The following ABCC2 variants were observed in gnomAD, a reference collection of about 807,000 sequenced individuals.
ABCC2 encodes the protein ATP-binding cassette sub-family C member 2.
A neutral mutation model predicts 173.4 loss-of-function variants in ABCC2; 157 were observed. That is an observed-to-expected ratio of 0.91 (90% CI 0.80 to 1.03). The LOEUF (loss-of-function observed/expected upper bound fraction) is 1.03, where lower values mean the gene tolerates loss of function less well. ABCC2 is among the 50% of genes least tolerant of loss of function. The probability of loss-of-function intolerance (pLI) is 0.00; values close to 1 mark genes in which losing one functional copy is unlikely to be tolerated. For synonymous variants in ABCC2, 657 were observed against 693.5 expected, an observed-to-expected ratio of 0.95 and a Z score of 0.83; for missense variants, 1,822 against 1,852.3, an observed-to-expected ratio of 0.98 and a Z score of 0.30.
chr10:99,803,055 G>A (rs1164464048), intron 9 of ABCC2, among the ~76,000 whole-genome samples: 1 of 152,086 alleles, frequency 6.6e-6, no homozygotes, highest in African/African-American at 2.4e-5. Context: ...TGCAACCTCC[G>A]CCTTCCAGGT....
intron 16 of ABCC2, among the ~76,000 whole-genome samples, chr10:99,816,102 G>A (rs1305902289): frequency 6.6e-6 from 1 of 151,600 alleles, no homozygotes; most frequent in Non-Finnish European, 1.5e-5. Flanking sequence ...CAAGTAGCTG[G>A]GATTACAGGC....
rs1225027778 is a variant in ABCC2 at position 99,808,248 on chromosome 10, T to A, written c.1815+19T>A. 6 of 1,613,662 alleles carry A rather than the reference T, an allele frequency of 3.7e-6. No homozygotes were observed. The highest frequency in any genetic ancestry group is 1.7e-6 in the Non-Finnish European group (2 of 1,179,884). ...GCTCCAGGTAGGTCGGCATTCTCACTGCTAACTCCCTGTCTCTGGTTAAAA... is the reference window on the plus strand; with the variant it reads ...GCTCCAGGTAGGTCGGCATTCTCACAGCTAACTCCCTGTCTCTGGTTAAAA... On this transcript the variant is annotated intron_variant, in intron 13 of 31. Coordinates refer to ENST00000647814, the MANE Select transcript of ABCC2 (RefSeq NM_000392.5).
At chr10:99,813,221 A>C in intron 16 of ABCC2, 77 bp downstream of exon 16, 1 of 1,548,608 alleles carries the variant, frequency 6.5e-7, no homozygotes, top group Non-Finnish European at 8.8e-7. Flanking sequence ...ACTGGGGAGA[A>C]GGCACTGAGG....
chr10:99,851,404 G>A lies in ABCC2; in HGVS notation c.4509-98G>A, dbSNP rs371472954. 234 of 1,427,336 alleles carry A rather than the reference G, an allele frequency of 1.6e-4. No homozygotes were observed. The African/African-American group carries it at 3.0e-3, about 18-fold the overall frequency. 88.4% of individuals were successfully genotyped at this position (1,427,336 alleles called of 1,614,324 possible). A position where few individuals can be genotyped will look rare whatever the true frequency, so the allele number is the denominator to read the frequency against. ...TTGATTTTCACTGCTTTGTAGCCTTGTCTGACTATACCACAACTTAGTCCT... is the reference window on the plus strand; with the variant it reads ...TTGATTTTCACTGCTTTGTAGCCTTATCTGACTATACCACAACTTAGTCCT... On this transcript the variant is annotated intron_variant, in intron 31 of 31. Coordinates refer to ENST00000647814, the MANE Select transcript of ABCC2 (RefSeq NM_000392.5).
intron 11 of ABCC2, among the ~76,000 whole-genome samples, chr10:99,806,223 T>A (rs1355977834): frequency 1.3e-5 from 2 of 151,894 alleles, no homozygotes; most frequent in African/African-American, 4.8e-5. Context: ...GGGGCGGGAG[T>A]ACAAGGTTGC....
At chr10:99,817,197 G>A (rs927213686) in intron 16 of ABCC2, 111 bp from the exon 17 acceptor site, 13 of 938,890 alleles carry the variant, frequency 1.4e-5, no homozygotes, top group Non-Finnish European at 2.0e-5. Context: ...CTGATGCACA[G>A]TTATTTAAAT....
At chr10:99,800,604 C>T in intron 9 of ABCC2, 41 bp downstream of exon 9, 1 of 1,603,664 alleles carries the variant, frequency 6.2e-7, no homozygotes, top group South Asian at 1.1e-5. Context: ...AAAATCCCCT[C>T]AGTAAATATG....
chr10:99,792,145 C>G (rs2756108), intron 2 of ABCC2, 89 bp from the exon 3 acceptor site: 2 of 1,539,478 alleles, frequency 1.3e-6, no homozygotes, highest in African/African-American at 2.7e-5. Context: ...CTGCATACCG[C>G]TTTTCCTATC....
chr10:99,807,563 C>T (rs2038134700), intron 12 of ABCC2, 42 bp downstream of exon 12: 1 of 1,613,234 alleles, frequency 6.2e-7, no homozygotes, highest in South Asian at 1.1e-5. Flanking sequence ...TTCACCTGGA[C>T]CTGCATCAGC....
At chr10:99,825,521 C>A (rs1173283399) in intron 19 of ABCC2, among the ~76,000 whole-genome samples, 1 of 152,282 alleles carries the variant, frequency 6.6e-6, no homozygotes, top group African/African-American at 2.4e-5. Flanking sequence ...TCCAAACCCT[C>A]CTGTTCTTTT....
intron 17 of ABCC2, among the ~76,000 whole-genome samples, chr10:99,818,512 T>C (rs951324063): frequency 2.0e-5 from 3 of 152,168 alleles, no homozygotes; most frequent in South Asian, 2.1e-4. Context: ...ATGAACAAAA[T>C]AGAAAAAACC....
intron 19 of ABCC2, among the ~76,000 whole-genome samples, chr10:99,829,725 C>G (rs764728744): frequency 6.6e-6 from 1 of 152,152 alleles, no homozygotes; most frequent in Admixed American, 6.5e-5. Context: ...CTCCTGTGTT[C>G]AAGTGATCCT....
chr10:99,824,864 C>T (rs374774134), intron 19 of ABCC2, among the ~76,000 whole-genome samples: 4 of 84,770 alleles, frequency 4.7e-5, no homozygotes, highest in African/African-American at 1.5e-4. Context: ...AGAACGAAGG[C>T]TCAATGTGAC....
intron 19 of ABCC2, among the ~76,000 whole-genome samples, chr10:99,822,931 G>T (rs568993318): frequency 6.6e-6 from 1 of 152,034 alleles, no homozygotes; most frequent in East Asian, 1.9e-4. Context: ...TGTCAGTTTT[G>T]ATTTTTTCCG....
chr10:99,804,192 C>T lies in ABCC2; in HGVS notation c.1383C>T (p.Pro461=). 4 of 1,614,084 alleles carry T rather than the reference C, an allele frequency of 2.5e-6. No individual in the cohort carries two copies. The highest frequency in any genetic ancestry group is 3.4e-6 in the Non-Finnish European group (4 of 1,180,008). The change falls in exon 10 of 32, where the codon CCC becomes CCT. Residue 461 remains proline (P), a synonymous_variant. Coordinates refer to ENST00000647814, the MANE Select transcript of ABCC2 (RefSeq NM_000392.5). ...TCTTCCTATGGAGAGAGTTGGGACC[C>T]TCAGTCTTAGCAGGTGTTGGGGTGA... ...SIFFLWRELG[P]SVLAGVGVMV...
At position 99,807,504 on chromosome 10, in the gene ABCC2, C is replaced by T. The variant is rs1554849397; in HGVS notation, c.1651C>T (p.Gln551Ter). The T allele has an allele frequency of 3.1e-6, 5 of 1,614,118 alleles. No homozygotes were observed. The highest frequency in any genetic ancestry group is 4.2e-6 in the Non-Finnish European group (5 of 1,179,978). ...ACAGTGTGTAGTAATATTCGTCTTCCAGTTAACTCCAGTCCTGGTGAGTAG... is the reference window on the plus strand; with the variant it reads ...ACAGTGTGTAGTAATATTCGTCTTCTAGTTAACTCCAGTCCTGGTGAGTAG... ...QLQCVVIFVF[Q>*]LTPVLVSVVT... Residue 551 changes from glutamine (Q) to a stop codon, truncating the protein, a stop_gained, in exon 12 of 32, where the codon CAG becomes TAG. Transcript: ENST00000647814. LOFTEE classifies it high-confidence loss of function.
chr10:99,784,605 C>T lies in ABCC2; in HGVS notation c.34-3C>T, dbSNP rs1175968709. ...GCAACAATCCTTCCCCTTTGGTCTC[C>T]AGAATTCCTCATTCCTGGACAGTCC... On this transcript the variant is annotated splice_polypyrimidine_tract_variant and splice_region_variant and intron_variant, in intron 1 of 31. Coordinates refer to ENST00000647814, the MANE Select transcript of ABCC2 (RefSeq NM_000392.5). The T allele has an allele frequency of 6.2e-7, 1 of 1,613,952 alleles. No individual in the cohort carries two copies. The highest frequency in any genetic ancestry group is 8.5e-7 in the Non-Finnish European group (1 of 1,180,030).
chr10:99,814,184 T>C (rs2038282997), intron 16 of ABCC2, among the ~76,000 whole-genome samples: 1 of 98,276 alleles, frequency 1.0e-5, no homozygotes, highest in Non-Finnish European at 2.2e-5. Context: ...CACATGTATG[T>C]ATACACACAT....
At position 99,851,861 on chromosome 10, in the gene ABCC2, C is replaced by A; in HGVS notation, c.*230C>A. The A allele has an allele frequency of 2.3e-6, 1 of 437,776 alleles. No individual in the cohort carries two copies. The highest frequency in any genetic ancestry group is 4.0e-6 in the Non-Finnish European group (1 of 249,140). The allele number at this position is 437,776 out of a possible 1,614,324, so 27.1% of individuals were successfully genotyped here. ...CGTACTTCCTTGCTACCCACCCCTC[C>A]CAGGGACAACCACTGTCCTGAATTT... On this transcript the variant is annotated 3_prime_UTR_variant, in exon 32 of 32. Transcript: ENST00000647814.
Sources: allele counts gnomAD v4.1 joint callset (sites outside exome capture counted in the v4.1 genomes callset), GRCh38; gene constraint gnomAD v4.1.1; transcripts MANE v1.5; gene names NCBI Gene and HGNC (gene_info 2026-07-23, HGNC 2026-07-21).